CMC2: variants seen among roughly 807,000 people sequenced by gnomAD.
The protein encoded by CMC2 is COX assembly mitochondrial protein 2 homolog.
A neutral mutation model predicts 7.5 loss-of-function variants in CMC2; 5 were observed. That is an observed-to-expected ratio of 0.66 (90% confidence interval 0.35 to 1.40). The LOEUF is 1.40. Among genes scored for constraint, CMC2 ranks in the 40% most tolerant of loss-of-function variants. The pLI, the probability that CMC2 is intolerant of heterozygous loss-of-function variation, is 0.04. For synonymous variants in CMC2, 37 were observed against 31.4 expected (o/e 1.18, Z -0.60); for missense variants, 115 against 92.3 (o/e 1.25, Z -1.01).
chr16:80,992,127 C>T (rs536301818), intron 2 of CMC2, among the ~76,000 whole-genome samples: 1 of 152,166 alleles, frequency 6.6e-6, no homozygotes, highest in South Asian at 2.1e-4. Flanking sequence ...ATGGGAACTC[C>T]CTGTACTGCA....
chr16:80,969,917 A>G lies in CMC2; in HGVS notation c.*6176T>C, dbSNP rs931226711. 4 of 152,214 alleles carry G rather than the reference A, an allele frequency of 2.6e-5. No homozygotes were observed. The highest frequency in any genetic ancestry group is 9.6e-5 in the African/African-American group (4 of 41,452). The allele number at this position is 152,214 out of a possible 1,614,324, so 9.4% of individuals were successfully genotyped here. On this transcript the variant is annotated 3_prime_UTR_variant, in exon 4 of 4. Transcript: ENST00000219400. ...TAGAAAAGAAAAAAACCCATGGAAT[A>G]TTGTTCCCATGAGAACTTCCTTAGG...
intron 2 of CMC2, among the ~76,000 whole-genome samples, chr16:80,993,156 C>G (rs1284994617): frequency 2.0e-5 from 3 of 152,176 alleles, no homozygotes; most frequent in Non-Finnish European, 2.9e-5. Context: ...ACTTAAAAAT[C>G]TATTTTCCAG....
chr16:80,981,319 A>G (rs1215221864), intron 3 of CMC2, among the ~76,000 whole-genome samples: 1 of 152,236 alleles, frequency 6.6e-6, no homozygotes, highest in Non-Finnish European at 1.5e-5. Flanking sequence ...AATCAAGTTC[A>G]GGAGATGACA....
Position 81,004,117 on chromosome 16 carries a change from G to C in CMC2, c.-36+2617C>G, listed in dbSNP as rs573851254. 2.0e-5 allele frequency among the ~76,000 whole-genome samples: 3 copies of C among 152,262 alleles called. No homozygotes were observed. In the East Asian group the frequency reaches 5.8e-4, roughly 29 times the overall value. Reference sequence around the variant, plus strand: ...GGGGGCCTGTAATCCAGCTACTTGGGAGGCTGAGGCAGGGGAATCGCTTCA... The same window carrying C: ...GGGGGCCTGTAATCCAGCTACTTGGCAGGCTGAGGCAGGGGAATCGCTTCA... On this transcript the variant is annotated intron_variant, in intron 1 of 3. Coordinates refer to ENST00000219400, the MANE Select transcript of CMC2 (RefSeq NM_020188.5).
chr16:80,992,971 G>A (rs558435776), intron 2 of CMC2, among the ~76,000 whole-genome samples: 2 of 152,112 alleles, frequency 1.3e-5, no homozygotes, highest in Admixed American at 1.3e-4. Flanking sequence ...CTGGAATTCA[G>A]GGTCCTTACT....
At chr16:80,993,779 T>C (rs1021693077) in intron 2 of CMC2, among the ~76,000 whole-genome samples, 1 of 152,064 alleles carries the variant, frequency 6.6e-6, no homozygotes, top group Non-Finnish European at 1.5e-5. Context: ...AAAATCCAAG[T>C]CATCAACAAT....
chr16:80,977,387 C>A (rs539194095), intron 3 of CMC2, among the ~76,000 whole-genome samples: 72 of 152,294 alleles, frequency 4.7e-4, no homozygotes, highest in African/African-American at 1.7e-3. Flanking sequence ...AATACATACA[C>A]CAATCCAACA....
intron 2 of CMC2, among the ~76,000 whole-genome samples, chr16:80,992,721 T>TG (rs1555516117): frequency 6.2e-3 from 832 of 133,844 alleles, no homozygotes; most frequent in South Asian, 9.8e-3. Flanking sequence ...TTTTTTTTTT[T>TG]TGTGTAAAGA....
intron 1 of CMC2, among the ~76,000 whole-genome samples, chr16:80,999,728 A>T (rs1968715602): frequency 6.6e-6 from 1 of 152,236 alleles, no homozygotes; most frequent in African/African-American, 2.4e-5. Flanking sequence ...GGACCAATGG[A>T]ACATAACAGC....
chr16:80,996,793 T>C lies in CMC2; in HGVS notation c.81+521A>G, dbSNP rs545086589. 3 of 175,810 alleles carry C rather than the reference T, an allele frequency of 1.7e-5. No individual in the cohort carries two copies. In the South Asian group the frequency reaches 3.1e-4, roughly 18 times the overall value. The allele number at this position is 175,810 out of a possible 1,614,324, so 10.9% of individuals were successfully genotyped here. A position where few individuals can be genotyped will look rare whatever the true frequency, so the allele number is the denominator to read the frequency against. On this transcript the variant is annotated intron_variant, in intron 2 of 3. Coordinates refer to ENST00000219400, the MANE Select transcript of CMC2 (RefSeq NM_020188.5). ...AGCTTGATTTAATGTATTCCAAATATGGATGGGCTCCTTTTCTATTTTGGT... is the reference window on the plus strand; with the variant it reads ...AGCTTGATTTAATGTATTCCAAATACGGATGGGCTCCTTTTCTATTTTGGT...
intron 1 of CMC2, among the ~76,000 whole-genome samples, chr16:81,002,452 C>T (rs1309502960): frequency 6.6e-6 from 1 of 152,170 alleles, no homozygotes; most frequent in Non-Finnish European, 1.5e-5. Context: ...AAAACAGACA[C>T]TGGTTTAATC....
intron 1 of CMC2, 70 bp downstream of exon 1, chr16:81,006,664 G>C: frequency 1.0e-6 from 1 of 968,816 alleles, no homozygotes; most frequent in Non-Finnish European, 1.2e-6. Flanking sequence ...GGCTCGGCGG[G>C]ACGCGCCATC....
intron 3 of CMC2, among the ~76,000 whole-genome samples, chr16:80,979,266 C>T (rs1245955359): frequency 6.6e-6 from 1 of 151,922 alleles, no homozygotes; most frequent in East Asian, 1.9e-4. Context: ...TAAACATCTA[C>T]AAATTAGAGA....
At chr16:80,997,698 C>T (rs1185370321) in intron 1 of CMC2, 3 of 219,884 alleles carry the variant, frequency 1.4e-5, no homozygotes, top group African/African-American at 4.6e-5. Context: ...GAAATAAGCA[C>T]TAAAGCAGAA....
At chr16:81,003,539 T>C (rs1597281917) in intron 1 of CMC2, among the ~76,000 whole-genome samples, 2 of 152,174 alleles carry the variant, frequency 1.3e-5, no homozygotes, top group Admixed American at 6.5e-5. Flanking sequence ...ACACAGTAGT[T>C]AGCTGCAAAG....
intron 2 of CMC2, among the ~76,000 whole-genome samples, chr16:80,996,740 C>A (rs1968448830): frequency 6.6e-6 from 1 of 152,168 alleles, no homozygotes; most frequent in Non-Finnish European, 1.5e-5. Flanking sequence ...TAAGGAAAAG[C>A]TAAATATTCA....
intron 3 of CMC2, chr16:80,978,357 T>G (rs182038627): frequency 7.9e-7 from 1 of 1,264,452 alleles, no homozygotes; most frequent in East Asian, 5.7e-5. Context: ...CAAAGCAAAT[T>G]AAAATATAGT....
chr16:80,971,262 A>G lies in CMC2; in HGVS notation c.*4831T>C, dbSNP rs1446620080. 6.6e-6 allele frequency: 1 copy of G among 152,206 alleles called. No individual in the cohort carries two copies. Among genetic ancestry groups the G allele is most frequent in the Non-Finnish European group, 1.5e-5 (1 of 68,046 alleles). The allele number at this position is 152,206 out of a possible 1,614,324, so 9.4% of individuals were successfully genotyped here. On this transcript the variant is annotated 3_prime_UTR_variant, in exon 4 of 4. Transcript: ENST00000219400. ...AATTAAAATCCTAGGTTTATACCTA[A>G]AAACACTCTCCCAGATTGGACAAGA...
intron 1 of CMC2, 131 bp downstream of exon 1, chr16:81,006,603 A>G: frequency 1.6e-6 from 1 of 643,948 alleles, no homozygotes; most frequent in Non-Finnish European, 1.9e-6. Context: ...GGCCTGCGGC[A>G]GCCGGGTCTT....
Sources: gnomAD v4.1 joint callset for allele counts (sites outside exome capture counted in the v4.1 genomes callset) on GRCh38, gnomAD v4.1.1 for gene constraint, MANE v1.5 for transcripts, NCBI Gene and HGNC (gene_info 2026-07-23, HGNC 2026-07-21) for gene names.